CRB1: variants seen among roughly 807,000 people sequenced by gnomAD.
CRB1 encodes the protein crumbs cell polarity complex component 1.
A neutral mutation model predicts 120.0 loss-of-function variants in CRB1; 83 were observed. The ratio of observed to expected loss-of-function variants is 0.69; its 90% CI spans 0.58 to 0.83. The LOEUF (loss-of-function observed/expected upper bound fraction) is 0.83. Among genes scored for constraint, CRB1 ranks in the 40% least tolerant of loss-of-function variants. The pLI, the probability that CRB1 is intolerant of heterozygous loss-of-function variation, is 0.00. For missense variants in CRB1, 1,699 were observed against 1,687.6 expected (o/e 1.01, Z -0.12); for synonymous variants, 625 against 612.5 (o/e 1.02, Z -0.30).
At chr1:197,395,800 T>A (rs1003165752) in intron 5 of CRB1, among the ~76,000 whole-genome samples, 8 of 152,110 alleles carry the variant, frequency 5.3e-5, no homozygotes, top group African/African-American at 1.9e-4. Context: ...AAACTCAACA[T>A]TCATATGATA....
At chr1:197,379,501 C>T (rs542637900) in intron 5 of CRB1, among the ~76,000 whole-genome samples, 30 of 149,452 alleles carry the variant, frequency 2.0e-4, no homozygotes, top group African/African-American at 6.2e-4. Flanking sequence ...AGGGTTTCAC[C>T]GTGTTAGCCA....
intron 1 of CRB1, among the ~76,000 whole-genome samples, chr1:197,296,554 T>G (rs1399499897): frequency 6.6e-6 from 1 of 152,072 alleles, no homozygotes; most frequent in East Asian, 1.9e-4. Context: ...ACTTCAGAAC[T>G]AAAGTGAAGT....
rs1215418379 is a variant in CRB1 at position 197,427,903 on chromosome 1, C to A, written c.2578C>A (p.Gln860Lys). The change falls in exon 7 of 12, where the codon CAA becomes AAA. Residue 860 changes from glutamine to lysine, a missense_variant. Physicochemically the swap from Gln to Lys is moderately conservative, Grantham distance 53. Coordinates refer to ENST00000367400, the MANE Select transcript of CRB1 (RefSeq NM_201253.3). ...TATCCAAGATGTAAGACTAAACAAC[C>A]AAAATCTGGAATTCTTTCCAAATCC... The part of the protein sequence containing the change: ...GCIQDVRLNN[Q>K]NLEFFPNPTN... The A allele has an allele frequency of 6.2e-7, 1 of 1,613,932 alleles. No individual in the cohort carries two copies. Among genetic ancestry groups the A allele is most frequent in the Non-Finnish European group, 8.5e-7 (1 of 1,179,918 alleles).
At chr1:197,399,045 T>A (rs1662925969) in intron 5 of CRB1, among the ~76,000 whole-genome samples, 1 of 152,074 alleles carries the variant, frequency 6.6e-6, no homozygotes, top group African/African-American at 2.4e-5. Flanking sequence ...TATGTTATTC[T>A]CTCCACTTGC....
At chr1:197,281,135 G>A (rs540683702) in intron 1 of CRB1, among the ~76,000 whole-genome samples, 125 of 151,954 alleles carry the variant, frequency 8.2e-4, no homozygotes, top group Non-Finnish European at 1.3e-3. Context: ...AAAGTTGGTC[G>A]ATTATTGATT....
intron 2 of CRB1, among the ~76,000 whole-genome samples, chr1:197,341,709 A>G (rs1370225070): frequency 1.3e-5 from 2 of 151,916 alleles, no homozygotes; most frequent in Non-Finnish European, 2.9e-5. Context: ...TAAACCAAAC[A>G]TTTTTTTTCC....
At position 197,436,504 on chromosome 1, in the gene CRB1, A is replaced by T. The variant is rs962063325; in HGVS notation, c.3749+892A>T. 3.9e-5 allele frequency among the ~76,000 whole-genome samples: 6 copies of T among 152,144 alleles called. No individual in the cohort carries two copies. In the South Asian group the frequency reaches 1.2e-3, roughly 32 times the overall value. The stretch of plus-strand genomic sequence containing the variant: ...ACAGTGGAATTATAATTCTCAGACA[A>T]ATATAAAATAAACATGTTTTAATTA... On this transcript the variant is annotated intron_variant, in intron 9 of 11. Transcript: ENST00000367400.
chr1:197,378,584 T>C (rs544817436), intron 5 of CRB1, among the ~76,000 whole-genome samples: 1 of 152,286 alleles, frequency 6.6e-6, no homozygotes, highest in African/African-American at 2.4e-5. Flanking sequence ...GCTATATAAA[T>C]TTCAGACCTG....
intron 5 of CRB1, among the ~76,000 whole-genome samples, chr1:197,379,456 C>G (rs375422091): frequency 4.0e-5 from 6 of 151,672 alleles, no homozygotes; most frequent in Non-Finnish European, 4.4e-5. Flanking sequence ...CCCGCCACCA[C>G]GCCTGGCAAA....
intron 5 of CRB1, among the ~76,000 whole-genome samples, chr1:197,408,197 G>A (rs184080898): frequency 1.5e-4 from 23 of 152,256 alleles, no homozygotes; most frequent in African/African-American, 4.3e-4. Context: ...ACAAACATGA[G>A]TGAGAGTTAC....
At chr1:197,238,097 T>C in the CRB1 span, among the ~76,000 whole-genome samples, 3 of 152,182 alleles carry the variant, frequency 2.0e-5, no homozygotes, top group Non-Finnish European at 4.4e-5. Context: ...GACTTCCTTT[T>C]TCATCCAAGG....
chr1:197,225,888 A>ACAGCCTTT, the CRB1 span, among the ~76,000 whole-genome samples: 1 of 152,140 alleles, frequency 6.6e-6, no homozygotes, highest in African/African-American at 2.4e-5. Context: ...ACCCCAGACC[A>ACAGCCTTT]CAGCCTTTCT....
At chr1:197,222,417 C>A in the CRB1 span, 1 of 768,230 alleles carries the variant, frequency 1.3e-6, no homozygotes, top group South Asian at 1.3e-5. Flanking sequence ...TGACCTATTT[C>A]ATCGTCCTCG....
intron 1 of CRB1, among the ~76,000 whole-genome samples, chr1:197,317,273 C>G (rs529094497): frequency 6.6e-5 from 10 of 152,218 alleles, no homozygotes; most frequent in Non-Finnish European, 2.9e-5. Context: ...CAAAAATTAG[C>G]TTGGTGTGGT....
At chr1:197,423,748 A>G (rs777967602) in intron 6 of CRB1, among the ~76,000 whole-genome samples, 3 of 152,158 alleles carry the variant, frequency 2.0e-5, no homozygotes, top group Non-Finnish European at 2.9e-5. Flanking sequence ...ATGTTTTCCA[A>G]CCATGGTATA....
At position 197,438,684 on chromosome 1, in the gene CRB1, C is replaced by T. The variant is rs1571564812; in HGVS notation, c.3878+9C>T. ...GGTTTTACTGGAGAATGGTGAGTCA[C>T]ATTAGAGCCTTCTGGAAGAGAATTC... On this transcript the variant is annotated intron_variant, in intron 10 of 11. Transcript: ENST00000367400. The T allele has an allele frequency of 6.2e-6, 10 of 1,611,368 alleles. No individual in the cohort carries two copies. Among genetic ancestry groups the T allele is most frequent in the South Asian group, 1.1e-5 (1 of 91,034 alleles).
rs535401217 is a variant in CRB1, at chr1:197,366,631, G to A, written c.1171+9618G>A. ...ACTCAGGGAGTTAGAAATAGAGAGA[G>A]CATGAGACCATGGAAGATGACAAAT... On this transcript the variant is annotated intron_variant, in intron 5 of 11. Transcript: ENST00000367400. Among the ~76,000 whole-genome samples, 118 of 152,294 alleles carry A rather than the reference G, an allele frequency of 7.7e-4. 1 individual carries two copies. Among genetic ancestry groups the A allele is most frequent in the African/African-American group, 2.4e-3 (101 of 41,570 alleles).
chr1:197,242,657 A>G, the CRB1 span, among the ~76,000 whole-genome samples: 1 of 151,934 alleles, frequency 6.6e-6, no homozygotes, highest in Non-Finnish European at 1.5e-5. Flanking sequence ...TGTCTCTGCC[A>G]TGTTTTGTAT....
At chr1:197,254,336 C>G in the CRB1 span, among the ~76,000 whole-genome samples, 1 of 151,924 alleles carries the variant, frequency 6.6e-6, no homozygotes, top group Admixed American at 6.6e-5. Context: ...TTATTTATAG[C>G]AAGATACAAG....
Sources: allele counts gnomAD v4.1 joint callset (sites outside exome capture counted in the v4.1 genomes callset), GRCh38; gene constraint gnomAD v4.1.1; transcripts MANE v1.5; gene names NCBI Gene and HGNC (gene_info 2026-07-23, HGNC 2026-07-21).